ZBTB7B: variants seen among roughly 807,000 people sequenced by gnomAD.
ZBTB7B encodes the protein zinc finger and BTB domain containing 7B.
In ZBTB7B, 8 loss-of-function variants were observed where a neutral mutation model predicts 31.0. The observed-to-expected ratio is 0.26, with a 90% CI of 0.15 to 0.47. The LOEUF is 0.47. Among genes scored for constraint, ZBTB7B ranks in the 20% least tolerant of loss-of-function variants. The pLI is 0.99. For synonymous variants in ZBTB7B, 261 were observed against 307.3 expected, an observed-to-expected ratio of 0.85 and a Z score of 1.58; for missense variants, 494 against 742.4, an observed-to-expected ratio of 0.67 and a Z score of 3.89.
rs776825162 is a variant in ZBTB7B, at chr1:155,015,488, GGAA to G, written c.837_839del (p.Glu281del). The G allele has an allele frequency of 9.3e-6, 15 of 1,613,004 alleles. No homozygotes were observed. The highest frequency in any genetic ancestry group is 1.3e-5 in the African/African-American group (1 of 74,906). ...AGAGCTACGAACCCTATGAGGGTGAGGAAGAAGAAGAGGAGCTGGTATATCCCC... is the reference window on the plus strand; with the variant it reads ...AGAGCTACGAACCCTATGAGGGTGAGGAAGAAGAGGAGCTGGTATATCCCC... On this transcript the variant is annotated inframe_deletion, in exon 2 of 3. Coordinates refer to ENST00000535420, the MANE Select transcript of ZBTB7B (RefSeq NM_001256455.2).
chr1:155,014,855 G>C lies in ZBTB7B; in HGVS notation c.195G>C (p.Glu65Asp). 6.2e-7 allele frequency: 1 copy of C among 1,614,234 alleles called. No individual in the cohort carries two copies. The highest frequency in any genetic ancestry group is 8.5e-7 in the Non-Finnish European group (1 of 1,180,042). ...CSHYFKKLFTEGGGGAVMGAG... is the reference protein window; with the variant it reads ...CSHYFKKLFTDGGGGAVMGAG... ...ACTACTTCAAGAAGCTTTTCACTGA[G>C]GGCGGTGGCGGAGCTGTCATGGGGG... Residue 65 changes from glutamate (E) to aspartate (D), a missense_variant, in exon 2 of 3, where the codon GAG becomes GAC. By Grantham distance (45) the Glu-to-Asp change is conservative. This residue lies in a region of ZBTB7B where 90 missense variants were observed against 143.2 expected (regional missense o/e 0.63). Transcript: ENST00000535420.
Position 155,009,027 on chromosome 1 carries a change from G to A in ZBTB7B, c.-6-5628G>A, listed in dbSNP as rs563648369. On this transcript the variant is annotated intron_variant, in intron 1 of 2. Transcript: ENST00000535420. Reference sequence around the variant, plus strand: ...TCTGGCTTGGGAGATCAGGCCCCAGGGGGGCTTGGAGGCCTAGAATTAGCC... The same window carrying A: ...TCTGGCTTGGGAGATCAGGCCCCAGAGGGGCTTGGAGGCCTAGAATTAGCC... Among the ~76,000 whole-genome samples, 13 of 152,366 alleles carry A rather than the reference G, an allele frequency of 8.5e-5. No individual in the cohort carries two copies. The South Asian group carries it at 2.7e-3, about 32-fold the overall frequency.
chr1:155,016,634 G>A lies in ZBTB7B; in HGVS notation c.1569G>A (p.Glu523=), dbSNP rs1659434607. The A allele has an allele frequency of 8.1e-6, 13 of 1,605,110 alleles. No individual in the cohort carries two copies. The highest frequency in any genetic ancestry group is 6.7e-5 in the East Asian group (3 of 44,796). The change falls in exon 3 of 3, where the codon GAG becomes GAA. Residue 523 remains glutamate, a synonymous_variant. Coordinates refer to ENST00000535420, the MANE Select transcript of ZBTB7B (RefSeq NM_001256455.2). This position sits in a 1 kb window ranked among gnomAD's most constrained non-coding sequence, Gnocchi z 4.3. ...CAGGGCCCCCTGATGACGATGAGGA[G>A]GAAGGGGCACCCACCACACCCCAGG... ...STPGPPDDDE[E]EGAPTTPQAE...
chr1:155,013,878 A>G (rs1051531921), intron 1 of ZBTB7B: 9 of 211,664 alleles, frequency 4.3e-5, no homozygotes, highest in Non-Finnish European at 4.9e-5. Context: ...GGATGCTGGG[A>G]GCTGTGTTTC....
intron 1 of ZBTB7B, chr1:155,010,518 C>T (rs1425765034): frequency 1.5e-5 from 3 of 194,888 alleles, no homozygotes; most frequent in African/African-American, 2.3e-5. Flanking sequence ...TCAGAGCATC[C>T]CTGGGCAGAG....
intron 1 of ZBTB7B, among the ~76,000 whole-genome samples, chr1:155,008,940 G>A (rs1006510829): frequency 1.3e-5 from 2 of 152,158 alleles, no homozygotes; most frequent in Admixed American, 6.5e-5. Context: ...CCAACCTGCT[G>A]CCCCCAGGGG....
intron 1 of ZBTB7B, among the ~76,000 whole-genome samples, chr1:155,013,069 G>A (rs1311109889): frequency 1.3e-5 from 2 of 152,158 alleles, no homozygotes; most frequent in Non-Finnish European, 2.9e-5. Flanking sequence ...TCTTAACAGA[G>A]GCCATCTGTA....
chr1:155,016,815 T>C lies in ZBTB7B; in HGVS notation c.*130T>C. On this transcript the variant is annotated 3_prime_UTR_variant, in exon 3 of 3. Coordinates refer to ENST00000535420, the MANE Select transcript of ZBTB7B (RefSeq NM_001256455.2). The surrounding 1 kb of genome is among the most constrained non-coding windows in gnomAD (Gnocchi z 4.3). ...TGCTGGCATCAGCATCAGCCCTTCC[T>C]CCCAGAGCCCTCATTCCAATTCCAA... is the stretch of plus-strand genomic sequence containing the variant. The C allele has an allele frequency of 1.6e-6, 1 of 615,118 alleles. No individual in the cohort carries two copies. 38.1% of individuals were successfully genotyped at this position (615,118 alleles called of 1,614,324 possible).
chr1:155,010,034 G>A (rs545066100), intron 1 of ZBTB7B, among the ~76,000 whole-genome samples: 1 of 152,128 alleles, frequency 6.6e-6, no homozygotes, highest in South Asian at 2.1e-4. Flanking sequence ...AGGCAATGAG[G>A]GGACAGAACC....
chr1:155,014,441 AAT>A, intron 1 of ZBTB7B: 1 of 594,720 alleles, frequency 1.7e-6, no homozygotes. Context: ...TAACTTGGAA[AAT>A]CACTTCACCT....
intron 1 of ZBTB7B, among the ~76,000 whole-genome samples, chr1:155,006,742 C>A (rs1188791804): frequency 6.6e-6 from 1 of 152,174 alleles, no homozygotes; most frequent in Non-Finnish European, 1.5e-5. Context: ...CACCGTCCCC[C>A]CAACTCCTCC....
intron 1 of ZBTB7B, among the ~76,000 whole-genome samples, chr1:155,010,764 CTT>C (rs937027801): frequency 1.3e-5 from 2 of 152,002 alleles, no homozygotes; most frequent in African/African-American, 4.8e-5. Flanking sequence ...TTCGTGCAAA[CTT>C]AGCTCCAAAA....
At chr1:155,014,002 A>G (rs1031170448) in intron 1 of ZBTB7B, 12 of 985,058 alleles carry the variant, frequency 1.2e-5, no homozygotes, top group African/African-American at 5.2e-5. Flanking sequence ...TCTTGTTTGC[A>G]TATGTTTTAC....
Position 155,008,050 on chromosome 1 carries a change from G to A in ZBTB7B, c.-7+5107G>A, listed in dbSNP as rs187443219. 1.6e-3 allele frequency among the ~76,000 whole-genome samples: 243 copies of A among 152,214 alleles called. 1 individual carries two copies. Among genetic ancestry groups the A allele is most frequent in the African/African-American group, 5.7e-3 (237 of 41,532 alleles). ...TGAGTTGCCCCTCAGGCCCAGGCGG[G>A]TCCCACCCAACCGGCCAGGGTGGCA... On this transcript the variant is annotated intron_variant, in intron 1 of 2. Coordinates refer to ENST00000535420, the MANE Select transcript of ZBTB7B (RefSeq NM_001256455.2).
In ZBTB7B at chr1:155,016,310, C is replaced by T. The variant is rs1450009515; in HGVS notation, c.1245C>T (p.Tyr415=). 4 of 1,613,990 alleles carry T rather than the reference C, an allele frequency of 2.5e-6. No individual in the cohort carries two copies. Among genetic ancestry groups the T allele is most frequent in the East Asian group, 4.5e-5 (2 of 44,896 alleles). ...GCCCAGCCCGCTTCCTGCACAGCTA[C>T]GACCTCAAGAACCACATGCACCTGC... ...PHCPARFLHS[Y]DLKNHMHLHT... Residue 415 remains tyrosine (Y), a synonymous_variant, in exon 3 of 3, where the codon TAC becomes TAT. Coordinates refer to ENST00000535420, the MANE Select transcript of ZBTB7B (RefSeq NM_001256455.2). This position sits in a 1 kb window ranked among gnomAD's most constrained non-coding sequence, Gnocchi z 4.3.
intron 1 of ZBTB7B, chr1:155,014,003 T>C (rs1659182870): frequency 1.0e-6 from 1 of 985,262 alleles, no homozygotes; most frequent in East Asian, 1.1e-4. Flanking sequence ...CTTGTTTGCA[T>C]ATGTTTTACA....
In ZBTB7B at chr1:155,014,715, G is replaced by A; in HGVS notation, c.55G>A (p.Glu19Lys). ...GATTCCATTCCCGGACCACAGCAGT[G>A]AGCTCCTGAGCTGCCTCAATGAGCA... Reference protein sequence around the residue: ...IGIPFPDHSSELLSCLNEQRQ... With the variant: ...IGIPFPDHSSKLLSCLNEQRQ... The change falls in exon 2 of 3, where the codon GAG (glutamate) becomes AAG (lysine). Residue 19 changes from glutamate (E) to lysine (K), a missense_variant. Glu to Lys is a moderately conservative substitution (Grantham distance 56). This residue lies in a region of ZBTB7B where 26 missense variants were observed against 80.4 expected (regional missense o/e 0.32). Transcript: ENST00000535420. The A allele has an allele frequency of 6.2e-7, 1 of 1,614,200 alleles. No homozygotes were observed. The highest frequency in any genetic ancestry group is 8.5e-7 in the Non-Finnish European group (1 of 1,180,022).
rs763394873 is a variant in ZBTB7B, at chr1:155,016,247, G to T, written c.1182G>T (p.Arg394=). ...ACGACAAGCTGAAGATCCACATGCG[G>T]AAGCACACGGGAGAGCGCCCCTACT... The part of the protein sequence containing the change: ...TRNDKLKIHM[R]KHTGERPYSC... The change falls in exon 3 of 3, where the codon CGG becomes CGT. Residue 394 remains arginine, a synonymous_variant. Coordinates refer to ENST00000535420, the MANE Select transcript of ZBTB7B (RefSeq NM_001256455.2). This position sits in a 1 kb window ranked among gnomAD's most constrained non-coding sequence, Gnocchi z 4.3. The T allele has an allele frequency of 2.3e-5, 37 of 1,613,036 alleles. No homozygotes were observed. The South Asian group carries it at 4.1e-4, about 18-fold the overall frequency.
At chr1:155,007,343 G>A (rs1201574450) in intron 1 of ZBTB7B, among the ~76,000 whole-genome samples, 3 of 152,186 alleles carry the variant, frequency 2.0e-5, no homozygotes, top group African/African-American at 4.8e-5. Flanking sequence ...CTCCCTTTAT[G>A]GGGATCAAAG....
Sources: gnomAD v4.1 joint callset for allele counts (sites outside exome capture counted in the v4.1 genomes callset) on GRCh38, gnomAD v4.1.1 for gene constraint, gnomAD v4.1.1 regional missense constraint, Gnocchi (gnomAD v3.1) non-coding constraint, MANE v1.5 for transcripts, NCBI Gene and HGNC (gene_info 2026-07-23, HGNC 2026-07-21) for gene names.